The following THUMPD3 variants were observed in gnomAD, a reference collection of about 807,000 sequenced individuals.
The protein encoded by THUMPD3 is THUMP domain 3 tRNA guanosine methyltransferase.
THUMPD3 carries 44 observed loss-of-function variants against 54.5 expected under a neutral mutation model. The ratio of observed to expected loss-of-function variants is 0.81; its 90% CI spans 0.63 to 1.04. The LOEUF (loss-of-function observed/expected upper bound fraction) is 1.04. THUMPD3 is among the 50% of genes least tolerant of loss of function. The pLI, the probability that THUMPD3 is intolerant of heterozygous loss-of-function variation, is 0.00. For missense variants in THUMPD3, 604 were observed against 601.3 expected (o/e 1.00, Z -0.05); for synonymous variants, 196 against 201.4 (o/e 0.97, Z 0.23).
intron 2 of THUMPD3, among the ~76,000 whole-genome samples, chr3:9,365,921 G>A (rs1223419853): frequency 7.9e-5 from 12 of 152,074 alleles, no homozygotes; most frequent in Admixed American, 7.2e-4. Context: ...CTGAAAATCC[G>A]AAATGCTGCA....
At position 9,384,321 on chromosome 3, in the gene THUMPD3, A is replaced by C; in HGVS notation, c.1345A>C (p.Lys449Gln). 2 of 1,613,862 alleles carry C rather than the reference A, an allele frequency of 1.2e-6. No homozygotes were observed. Among genetic ancestry groups the C allele is most frequent in the Non-Finnish European group, 1.7e-6 (2 of 1,179,966 alleles). The change falls in exon 9 of 10, where the codon AAA becomes CAA. Residue 449 changes from lysine to glutamine, a missense_variant. By Grantham distance (53) the Lys-to-Gln change is moderately conservative. Coordinates refer to ENST00000452837, the MANE Select transcript of THUMPD3 (RefSeq NM_001114092.2). The part of the protein sequence containing the change: ...GRAVLLTQDT[K>Q]CFTKALSGMR... ...AGCTGTACTACTTACTCAAGACACA[A>C]AATGCTTTACCAAGGTGCTATACAC...
intron 4 of THUMPD3, 101 bp downstream of exon 4, chr3:9,371,637 G>T: frequency 9.8e-7 from 1 of 1,020,086 alleles, no homozygotes; most frequent in Middle Eastern, 2.2e-4. Flanking sequence ...TGAGGAAATA[G>T]TAGGGTGTGG....
intron 3 of THUMPD3, among the ~76,000 whole-genome samples, chr3:9,368,328 C>T (rs2031736062): frequency 6.7e-6 from 1 of 150,276 alleles, no homozygotes; most frequent in Admixed American, 6.6e-5. Context: ...GCCATTGCAC[C>T]TGGCCCCCAT....
chr3:9,379,809 C>T (rs2032739547), intron 6 of THUMPD3, among the ~76,000 whole-genome samples: 1 of 152,140 alleles, frequency 6.6e-6, no homozygotes, highest in African/African-American at 2.4e-5. Flanking sequence ...TCTCCCACCT[C>T]AGCCTCTCGA....
chr3:9,384,260 G>C lies in THUMPD3; in HGVS notation c.1284G>C (p.Arg428=), dbSNP rs1046788. 232,037 of 1,613,954 alleles carry C rather than the reference G, an allele frequency of 0.14. 18,091 individuals carry two copies. The highest frequency in any genetic ancestry group is 0.22 in the Admixed American group (13,198 of 59,980). The change falls in exon 9 of 10, where the codon CGG becomes CGC. Residue 428 remains arginine, a synonymous_variant. Transcript: ENST00000452837. ...GGAACCTTTATCCAGCTTGCCTACG[G>C]GAGATGAGCCGTGTCTGCACACCTA... ...RNWNLYPACL[R]EMSRVCTPTT...
chr3:9,381,793 T>C, intron 7 of THUMPD3, among the ~76,000 whole-genome samples: 1 of 67,226 alleles, frequency 1.5e-5, no homozygotes, highest in Non-Finnish European at 2.7e-5. Context: ...TTTTTTTTTT[T>C]TTTTGAGACG....
intron 9 of THUMPD3, 66 bp downstream of exon 9, chr3:9,384,401 A>G: frequency 6.3e-7 from 1 of 1,596,890 alleles, no homozygotes; most frequent in Non-Finnish European, 8.5e-7. Flanking sequence ...AGATTTGGGG[A>G]TGTTTGTTTG....
chr3:9,376,621 A>C (rs1424175564), intron 5 of THUMPD3, among the ~76,000 whole-genome samples: 3 of 152,252 alleles, frequency 2.0e-5, no homozygotes, highest in Non-Finnish European at 4.4e-5. Context: ...ATAAGAACCC[A>C]CTATTAACCC....
intron 8 of THUMPD3, among the ~76,000 whole-genome samples, chr3:9,383,995 T>C (rs2033128977): frequency 6.6e-6 from 1 of 152,214 alleles, no homozygotes; most frequent in Non-Finnish European, 1.5e-5. Flanking sequence ...ACAAGTCATA[T>C]AACTAACACA....
At chr3:9,372,144 T>C (rs2032098171) in intron 4 of THUMPD3, among the ~76,000 whole-genome samples, 2 of 152,242 alleles carry the variant, frequency 1.3e-5, no homozygotes, top group African/African-American at 2.4e-5. Flanking sequence ...AGTGCTGGGA[T>C]TATAGCTGCA....
chr3:9,384,041 A>G (rs972780641), intron 8 of THUMPD3, among the ~76,000 whole-genome samples, 171 bp from the exon 9 acceptor site: 16 of 152,260 alleles, frequency 1.1e-4, no homozygotes, highest in African/African-American at 3.6e-4. Context: ...TCAGAATTCT[A>G]AGCAGTTTAC....
chr3:9,377,410 C>T (rs539091345), intron 5 of THUMPD3, among the ~76,000 whole-genome samples: 1 of 152,156 alleles, frequency 6.6e-6, no homozygotes, highest in South Asian at 2.1e-4. Context: ...CGGAGTCTTG[C>T]TCTGTCACCC....
chr3:9,365,444 T>C lies in THUMPD3; in HGVS notation c.252+124T>C, dbSNP rs2051982066. On this transcript the variant is annotated intron_variant, in intron 2 of 9. Coordinates refer to ENST00000452837, the MANE Select transcript of THUMPD3 (RefSeq NM_001114092.2). Reference sequence around the variant, plus strand: ...TGCTCTGCCCCAAATCAGGTGATTTTAAAGTTACTGCATTTTCTATTGAGT... The same window carrying C: ...TGCTCTGCCCCAAATCAGGTGATTTCAAAGTTACTGCATTTTCTATTGAGT... 2.5e-6 allele frequency: 3 copies of C among 1,220,572 alleles called. No homozygotes were observed. The South Asian group carries it at 4.5e-5, about 18-fold the overall frequency. 75.6% of individuals were successfully genotyped at this position (1,220,572 alleles called of 1,614,324 possible). A position where few individuals can be genotyped will look rare whatever the true frequency, so the allele number is the denominator to read the frequency against.
At chr3:9,369,309 C>CAA (rs779602979) in intron 3 of THUMPD3, among the ~76,000 whole-genome samples, 19,187 of 60,442 alleles carry the variant, frequency 0.32, 4,706 homozygotes, top group African/African-American at 0.37. Context: ...GACTCCGTCT[C>CAA]AAAAAAAAAA....
In THUMPD3 at chr3:9,371,181, A is replaced by G. The variant is rs2032006252; in HGVS notation, c.452A>G (p.Gln151Arg). ...AAAGCAAAGCGCAAAAAGATAAATC[A>G]GAATTCAAGTAAAGAGAAGATTAAT... ...KKKAKRKKIN[Q>R]NSSKEKINNG... Residue 151 changes from glutamine to arginine, a missense_variant, in exon 4 of 10, where the codon CAG becomes CGG. Physicochemically the swap from Gln to Arg is conservative, Grantham distance 43 (BLOSUM62 1). Transcript: ENST00000452837. 6.2e-7 allele frequency: 1 copy of G among 1,610,306 alleles called. No individual in the cohort carries two copies. The highest frequency in any genetic ancestry group is 8.5e-7 in the Non-Finnish European group (1 of 1,179,260).
chr3:9,369,383 C>G (rs2031849329), intron 3 of THUMPD3, among the ~76,000 whole-genome samples: 1 of 146,724 alleles, frequency 6.8e-6, no homozygotes, highest in Admixed American at 6.8e-5. Flanking sequence ...ATCCAAGATT[C>G]ATTTGTTTCA....
chr3:9,369,408 G>A (rs368386832), intron 3 of THUMPD3, among the ~76,000 whole-genome samples: 41 of 150,396 alleles, frequency 2.7e-4, no homozygotes, highest in African/African-American at 8.6e-4. Context: ...TACGTTATAC[G>A]TATAGCTTGA....
rs1053705275 is a variant in THUMPD3 at position 9,386,693 on chromosome 3, TATTC to T, written c.*2009_*2012del. On this transcript the variant is annotated 3_prime_UTR_variant, in exon 10 of 10. Transcript: ENST00000452837. The stretch of plus-strand genomic sequence containing the variant: ...CTGAGTTATATGTGACACTGCCACC[TATTC>T]ATTGTGTGACCTTGGTTTTAACCTT... The T allele has an allele frequency of 2.0e-5, 3 of 152,248 alleles. No individual in the cohort carries two copies. Among genetic ancestry groups the T allele is most frequent in the Admixed American group, 1.3e-4 (2 of 15,292 alleles). The allele number at this position is 152,248 out of a possible 1,614,324, so 9.4% of individuals were successfully genotyped here.
At position 9,374,510 on chromosome 3, in the gene THUMPD3, C is replaced by G. The variant is rs369216660; in HGVS notation, c.808-6C>G. On this transcript the variant is annotated splice_region_variant and splice_polypyrimidine_tract_variant and intron_variant, in intron 4 of 9. Coordinates refer to ENST00000452837, the MANE Select transcript of THUMPD3 (RefSeq NM_001114092.2). ...AACTATTTTGTCTTGTTCCACTTTG[C>G]TATAGGTTCTTTTGAACATCCATGA... The G allele has an allele frequency of 3.0e-5, 49 of 1,612,866 alleles. No individual in the cohort carries two copies. The African/African-American group carries it at 6.1e-4, about 20-fold the overall frequency.
Sources: allele counts gnomAD v4.1 joint callset (sites outside exome capture counted in the v4.1 genomes callset), GRCh38; gene constraint gnomAD v4.1.1; transcripts MANE v1.5; gene names NCBI Gene and HGNC (gene_info 2026-07-23, HGNC 2026-07-21).